CSPP1: variants seen among roughly 807,000 people sequenced by gnomAD.
CSPP1 encodes the protein centrosome and spindle pole-associated protein 1.
A neutral mutation model predicts 164.4 loss-of-function variants in CSPP1; 126 were observed. That is an observed-to-expected ratio of 0.77 (90% CI 0.66 to 0.89). The LOEUF (loss-of-function observed/expected upper bound fraction) is 0.89, where lower values mean the gene tolerates loss of function less well. Among genes scored for constraint, CSPP1 ranks in the 40% least tolerant of loss-of-function variants. The pLI, the probability that CSPP1 is intolerant of heterozygous loss-of-function variation, is 0.00. For missense variants in CSPP1, 1,395 were observed against 1,449.8 expected (o/e 0.96, Z 0.61); for synonymous variants, 472 against 476.7 (o/e 0.99, Z 0.13).
At chr8:67,163,319 G>A (rs1013654372) in intron 22 of CSPP1, among the ~76,000 whole-genome samples, 11 of 152,200 alleles carry the variant, frequency 7.2e-5, no homozygotes, top group African/African-American at 2.7e-4. Flanking sequence ...ACAGGAGACA[G>A]TGAGCAATGA....
intron 24 of CSPP1, among the ~76,000 whole-genome samples, chr8:67,170,701 G>A (rs1411677282): frequency 1.3e-5 from 2 of 152,142 alleles, no homozygotes; most frequent in Non-Finnish European, 2.9e-5. Flanking sequence ...TCTTGCATCT[G>A]AGGATTTTGA....
chr8:67,132,039 A>G lies in CSPP1; in HGVS notation c.1786A>G (p.Lys596Glu). 6.2e-7 allele frequency: 1 copy of G among 1,613,914 alleles called. No individual in the cohort carries two copies. ...TTTTGAAGATAAACCGAAACCTTCC[A>G]AACAGTCACTTCAGTCTTACCAAGA... ...LIFEDKPKPS[K>E]QSLQSYQEAL... Residue 596 changes from lysine (K) to glutamate (E), a missense_variant, in exon 16 of 31, where the codon AAA becomes GAA. By Grantham distance (56) the Lys-to-Glu change is moderately conservative. Coordinates refer to ENST00000678616, the MANE Select transcript of CSPP1 (RefSeq NM_001382391.1).
chr8:67,190,301 G>C (rs1013893951), intron 28 of CSPP1, among the ~76,000 whole-genome samples: 1 of 152,150 alleles, frequency 6.6e-6, no homozygotes, highest in African/African-American at 2.4e-5. Context: ...ACACCTTATT[G>C]CTAAGTGAAA....
intron 3 of CSPP1, chr8:67,083,839 C>T (rs969786782): frequency 2.0e-5 from 3 of 151,916 alleles, no homozygotes; most frequent in Non-Finnish European, 4.4e-5. Context: ...GTAACTACCT[C>T]TCTCTATGCA....
At chr8:67,132,316 A>G (rs1303090353) in intron 16 of CSPP1, among the ~76,000 whole-genome samples, 2 of 152,240 alleles carry the variant, frequency 1.3e-5, no homozygotes, top group Admixed American at 1.3e-4. Context: ...CATGTTGTGC[A>G]ATGACTACGT....
chr8:67,107,305 C>T (rs1815778564), intron 9 of CSPP1, among the ~76,000 whole-genome samples: 1 of 152,176 alleles, frequency 6.6e-6, no homozygotes, highest in South Asian at 2.1e-4. Context: ...GCCTTGGCCT[C>T]CCAAAGTGCT....
intron 18 of CSPP1, among the ~76,000 whole-genome samples, chr8:67,153,065 G>A (rs1258064194): frequency 2.6e-5 from 4 of 152,092 alleles, no homozygotes; most frequent in South Asian, 4.1e-4. Context: ...AGCCAGGCAT[G>A]GTGGCACACG....
In CSPP1 at chr8:67,196,240, AAATT is replaced by A. The variant is rs1220907003; in HGVS notation, c.*648_*651del. 3 of 152,210 alleles carry A rather than the reference AAATT, an allele frequency of 2.0e-5. No homozygotes were observed. Among genetic ancestry groups the A allele is most frequent in the East Asian group, 3.8e-4 (2 of 5,198 alleles). The allele number at this position is 152,210 out of a possible 1,614,324, so 9.4% of individuals were successfully genotyped here. ...GATGTAACTACTTCTTGATATAAAT[AAATT>A]TTTATTTTAATTACTAAAATCTTTT... On this transcript the variant is annotated 3_prime_UTR_variant, in exon 31 of 31. Transcript: ENST00000678616.
At chr8:67,100,540 T>G (rs1010341374) in intron 7 of CSPP1, among the ~76,000 whole-genome samples, 3 of 151,766 alleles carry the variant, frequency 2.0e-5, no homozygotes, top group African/African-American at 7.2e-5. Context: ...GGACCCCAAG[T>G]TATGCTTTTA....
Position 67,161,943 on chromosome 8 carries a change from TCCTAGC to T in CSPP1, c.2643+29_2643+34del, listed in dbSNP as rs538387069. ...ATGTACTTTTGTTTTTATTTGTTCATCCTAGCTCAGTTATTTTGGATTGGGGGATCG... is the reference window on the plus strand; with the variant it reads ...ATGTACTTTTGTTTTTATTTGTTCATTCAGTTATTTTGGATTGGGGGATCG... On this transcript the variant is annotated intron_variant, in intron 22 of 30. Coordinates refer to ENST00000678616, the MANE Select transcript of CSPP1 (RefSeq NM_001382391.1). The T allele has an allele frequency of 6.8e-5, 96 of 1,407,588 alleles. No individual in the cohort carries two copies. In the African/African-American group the frequency reaches 1.3e-3, roughly 18 times the overall value. The allele number at this position is 1,407,588 out of a possible 1,614,324, so 87.2% of individuals were successfully genotyped here.
intron 4 of CSPP1, among the ~76,000 whole-genome samples, chr8:67,087,912 C>T (rs568402033): frequency 1.2e-4 from 18 of 152,282 alleles, no homozygotes; most frequent in South Asian, 4.1e-4. Flanking sequence ...GATTTCCTCG[C>T]GCTAATTTTC....
rs1043848360 is a variant in CSPP1, at chr8:67,074,719, A to G, written c.99+368A>G. On this transcript the variant is annotated intron_variant, in intron 2 of 30. Coordinates refer to ENST00000678616, the MANE Select transcript of CSPP1 (RefSeq NM_001382391.1). ...TTTAAAAAGTTTTTTTGAAATCTGAAAAAGTGAATTTATTAATTTATTTTG... is the reference window on the plus strand; with the variant it reads ...TTTAAAAAGTTTTTTTGAAATCTGAGAAAGTGAATTTATTAATTTATTTTG... 1.6e-5 allele frequency: 4 copies of G among 243,036 alleles called. No homozygotes were observed. In the Admixed American group the frequency reaches 2.2e-4, roughly 13 times the overall value. 15.1% of individuals were successfully genotyped at this position (243,036 alleles called of 1,614,324 possible). A position where few individuals can be genotyped will look rare whatever the true frequency, so the allele number is the denominator to read the frequency against.
chr8:67,106,127 T>C lies in CSPP1; in HGVS notation c.1093+152T>C, dbSNP rs888901369. 1.6e-5 allele frequency: 9 copies of C among 549,670 alleles called. No individual in the cohort carries two copies. The South Asian group carries it at 2.2e-4, about 14-fold the overall frequency. The allele number at this position is 549,670 out of a possible 1,614,324, so 34.0% of individuals were successfully genotyped here. A position where few individuals can be genotyped will look rare whatever the true frequency, so the allele number is the denominator to read the frequency against. ...TTTACACTAGGTACTATTCTAATCATTTAACATATATAGCTCTGTATAATT... is the reference window on the plus strand; with the variant it reads ...TTTACACTAGGTACTATTCTAATCACTTAACATATATAGCTCTGTATAATT... On this transcript the variant is annotated intron_variant, in intron 9 of 30. Coordinates refer to ENST00000678616, the MANE Select transcript of CSPP1 (RefSeq NM_001382391.1).
intron 9 of CSPP1, among the ~76,000 whole-genome samples, chr8:67,106,854 T>C (rs1047584309): frequency 6.6e-6 from 1 of 152,180 alleles, no homozygotes; most frequent in African/African-American, 2.4e-5. Context: ...AGACATATTA[T>C]TGCATTATAT....
chr8:67,179,720 A>G (rs1303968147), intron 27 of CSPP1, 143 bp from the exon 28 acceptor site: 2 of 587,874 alleles, frequency 3.4e-6, no homozygotes, highest in Non-Finnish European at 6.0e-6. Context: ...TTTTCTGAGC[A>G]TTGGAATGTA....
In CSPP1 at chr8:67,195,364, G is replaced by A. The variant is rs770143622; in HGVS notation, c.3470-18G>A. 6 of 1,589,472 alleles carry A rather than the reference G, an allele frequency of 3.8e-6. No homozygotes were observed. The highest frequency in any genetic ancestry group is 4.3e-6 in the Non-Finnish European group (5 of 1,158,042). On this transcript the variant is annotated intron_variant, in intron 30 of 30. Coordinates refer to ENST00000678616, the MANE Select transcript of CSPP1 (RefSeq NM_001382391.1). ...GCCACCTGTGTTACCTGAGCCACGT[G>A]TCCCTTGCCTCCTGTAGATGATGAG...
intron 25 of CSPP1, chr8:67,174,471 T>A (rs545846332): frequency 6.6e-6 from 1 of 152,258 alleles, no homozygotes; most frequent in East Asian, 1.9e-4. Context: ...ATTAAAAAAT[T>A]TTTATTCTTG....
At chr8:67,129,756 C>T (rs1820830828) in intron 15 of CSPP1, among the ~76,000 whole-genome samples, 1 of 152,110 alleles carries the variant, frequency 6.6e-6, no homozygotes, top group South Asian at 2.1e-4. Context: ...TCTATACATA[C>T]TATATTGGTC....
At chr8:67,132,160 G>T in intron 16 of CSPP1, 80 bp downstream of exon 16, 1 of 1,361,016 alleles carries the variant, frequency 7.3e-7, no homozygotes, top group South Asian at 1.6e-5. Flanking sequence ...AGTGTGGCCG[G>T]GGAGGGGAAA....
Sources: allele counts gnomAD v4.1 joint callset (sites outside exome capture counted in the v4.1 genomes callset), GRCh38; gene constraint gnomAD v4.1.1; transcripts MANE v1.5; gene names NCBI Gene and HGNC (gene_info 2026-07-23, HGNC 2026-07-21).